Variants in KIFBP observed in about 807,000 individuals in gnomAD.
The protein encoded by KIFBP is KIF-binding protein.
In KIFBP, 46 loss-of-function variants were observed where a neutral mutation model predicts 58.9. That is an observed-to-expected ratio of 0.78 (90% confidence interval 0.62 to 1.00). KIFBP has a LOEUF of 1.00. Among genes scored for constraint, KIFBP ranks in the 50% least tolerant of loss-of-function variants. KIFBP has a pLI of 0.00. For missense variants in KIFBP, 651 were observed against 752.9 expected, an observed-to-expected ratio of 0.86 and a Z score of 1.58; for synonymous variants, 241 against 283.4, an observed-to-expected ratio of 0.85 and a Z score of 1.50.
At chr10:69,011,253 C>T (rs1843586442) in intron 6 of KIFBP, 4 of 455,278 alleles carry the variant, frequency 8.8e-6, no homozygotes, top group Admixed American at 3.5e-5. Context: ...GGCAACAGAG[C>T]GAGACTCCAT....
rs545220279 is a variant in KIFBP at position 69,015,335 on chromosome 10, CT to C, written c.991-198del. On this transcript the variant is annotated intron_variant, in intron 6 of 6. Coordinates refer to ENST00000361983, the MANE Select transcript of KIFBP (RefSeq NM_015634.4). ...TGTAAGCAGCTTGTCTATTTAAATA[CT>C]TTTTTTTCCACATTTCTTGAGTTTT... The C allele has an allele frequency of 4.5e-4, 245 of 544,926 alleles. 2 individuals are homozygous for C. The East Asian group carries it at 6.6e-3, about 15-fold the overall frequency. 33.8% of individuals were successfully genotyped at this position (544,926 alleles called of 1,614,324 possible).
In KIFBP at chr10:68,989,234, C is replaced by T. The variant is rs1441526311; in HGVS notation, c.402C>T (p.Cys134=). ...LLRRYRLSHD[C]ISLCIQAQNN... is the part of the protein sequence containing the mutation. ...GCAGGTACCGGCTCTCGCACGACTG[C>T]ATCTCTCTCTGCATCCAGGCGCAGG... The change falls in exon 1 of 7, where the codon TGC becomes TGT. Residue 134 remains cysteine, a synonymous_variant. Transcript: ENST00000361983. The T allele has an allele frequency of 1.2e-6, 2 of 1,613,412 alleles. No homozygotes were observed.
chr10:69,003,434 TA>T (rs1174110502), intron 2 of KIFBP, among the ~76,000 whole-genome samples: 1 of 152,214 alleles, frequency 6.6e-6, no homozygotes, highest in Non-Finnish European at 1.5e-5. Flanking sequence ...ATCCAGAATG[TA>T]AAATCATATT....
chr10:69,006,062 C>T (rs1233362320), intron 4 of KIFBP, 147 bp downstream of exon 4: 7 of 695,684 alleles, frequency 1.0e-5, no homozygotes, highest in African/African-American at 9.0e-5. Context: ...GCCCAGTTTG[C>T]CCGTGTACTA....
At chr10:69,004,933 A>G in intron 2 of KIFBP, 113 bp from the exon 3 acceptor site, 1 of 714,590 alleles carries the variant, frequency 1.4e-6, no homozygotes, top group Non-Finnish European at 2.5e-6. Context: ...TGAACTAGGA[A>G]AAAATGAAAT....
chr10:68,998,979 C>T (rs2132109837), intron 1 of KIFBP, among the ~76,000 whole-genome samples: 1 of 151,644 alleles, frequency 6.6e-6, no homozygotes, highest in South Asian at 2.1e-4. Context: ...TGGGGTTTCA[C>T]CACGTTGGCC....
At chr10:68,995,696 C>T (rs1272649435) in intron 1 of KIFBP, among the ~76,000 whole-genome samples, 1 of 152,150 alleles carries the variant, frequency 6.6e-6, no homozygotes, top group Non-Finnish European at 1.5e-5. Context: ...AACTTCATTA[C>T]ATGTTTGGCA....
At chr10:69,009,861 T>C (rs1589297457) in intron 5 of KIFBP, among the ~76,000 whole-genome samples, 1 of 152,170 alleles carries the variant, frequency 6.6e-6, no homozygotes, top group East Asian at 1.9e-4. Flanking sequence ...CTTCTTACGA[T>C]GTTTTAGATT....
In KIFBP at chr10:69,016,110, C is replaced by A. The variant is rs778823661; in HGVS notation, c.1560C>A (p.Phe520Leu). Residue 520 changes from phenylalanine (F) to leucine (L), a missense_variant, in exon 7 of 7, where the codon TTC becomes TTA. Physicochemically the swap from Phe to Leu is conservative, Grantham distance 22. Coordinates refer to ENST00000361983, the MANE Select transcript of KIFBP (RefSeq NM_015634.4). Reference sequence around the variant, plus strand: ...CAGCACTGAAGTACTACCAGCTCTTCTTAGACTCCCTGAGAGACCCAAATA... The same window carrying A: ...CAGCACTGAAGTACTACCAGCTCTTATTAGACTCCCTGAGAGACCCAAATA... ...NKSALKYYQL[F>L]LDSLRDPNKV... is the part of the protein sequence containing the mutation. 6.2e-7 allele frequency: 1 copy of A among 1,614,168 alleles called. No homozygotes were observed. Among genetic ancestry groups the A allele is most frequent in the East Asian group, 2.2e-5 (1 of 44,884 alleles).
In KIFBP at chr10:69,015,518, T is replaced by C. The variant is rs371262969; in HGVS notation, c.991-23T>C. ...AGGAGGTGAGTGTCCTACTTAACCATAATTTATTTTTTTTTCCTTCAGGAC... is the reference window on the plus strand; with the variant it reads ...AGGAGGTGAGTGTCCTACTTAACCACAATTTATTTTTTTTTCCTTCAGGAC... On this transcript the variant is annotated intron_variant, in intron 6 of 6. Coordinates refer to ENST00000361983, the MANE Select transcript of KIFBP (RefSeq NM_015634.4). The C allele has an allele frequency of 4.4e-5, 71 of 1,610,340 alleles. No individual in the cohort carries two copies. In the African/African-American group the frequency reaches 7.2e-4, roughly 16 times the overall value.
chr10:69,016,539 AC>A lies in KIFBP; in HGVS notation c.*124del. 1 of 923,924 alleles carries A rather than the reference AC, an allele frequency of 1.1e-6. No homozygotes were observed. The highest frequency in any genetic ancestry group is 1.7e-6 in the Non-Finnish European group (1 of 587,998). The allele number at this position is 923,924 out of a possible 1,614,324, so 57.2% of individuals were successfully genotyped here. On this transcript the variant is annotated 3_prime_UTR_variant, in exon 7 of 7. Coordinates refer to ENST00000361983, the MANE Select transcript of KIFBP (RefSeq NM_015634.4). Reference sequence around the variant, plus strand: ...GGTGAGTGCAGTTTGAACTTGAGATACAGTCAACTGAGTGTTTGCTAGGATC... The same window carrying A: ...GGTGAGTGCAGTTTGAACTTGAGATAAGTCAACTGAGTGTTTGCTAGGATC...
Position 69,005,827 on chromosome 10 carries a change from C to T in KIFBP, c.701C>T (p.Thr234Ile), listed in dbSNP as rs1843529483. 6.2e-7 allele frequency: 1 copy of T among 1,614,088 alleles called. No individual in the cohort carries two copies. The highest frequency in any genetic ancestry group is 1.3e-5 in the African/African-American group (1 of 75,024). Reference protein sequence around the residue: ...FEKAAHYCHSTLKRQLEHNAY... With the variant: ...FEKAAHYCHSILKRQLEHNAY... The stretch of plus-strand genomic sequence containing the variant: ...AAGGCTGCTCACTATTGCCATAGTA[C>T]ACTAAAACGCCAGCTTGAGCACAAT... Residue 234 changes from threonine to isoleucine, a missense_variant, in exon 4 of 7, where the codon ACA becomes ATA. Coordinates refer to ENST00000361983, the MANE Select transcript of KIFBP (RefSeq NM_015634.4).
chr10:68,990,104 C>T (rs998718323), intron 1 of KIFBP, among the ~76,000 whole-genome samples: 1 of 152,214 alleles, frequency 6.6e-6, no homozygotes, highest in Non-Finnish European at 1.5e-5. Context: ...TTCTTGAAAA[C>T]CTATCTCAAG....
At chr10:69,001,241 C>G (rs1259974569) in intron 2 of KIFBP, among the ~76,000 whole-genome samples, 1 of 152,138 alleles carries the variant, frequency 6.6e-6, no homozygotes, top group East Asian at 1.9e-4. Flanking sequence ...ATTCTTCCTC[C>G]TCCCCACTGC....
chr10:69,008,390 AAATATATAT>A, intron 4 of KIFBP, among the ~76,000 whole-genome samples: 1 of 102,888 alleles, frequency 9.7e-6, no homozygotes, highest in East Asian at 2.7e-4. Context: ...AAAAAAAAAA[AAATATATAT>A]ATATATATAT....
In KIFBP at chr10:69,002,400, C is replaced by T. The variant is rs183469937; in HGVS notation, c.525+1878C>T. ...CTCAAACTCCTGACCTCAAGTGATC[C>T]GCCCACCTCAGCCTCCCAAAGTGCT... On this transcript the variant is annotated intron_variant, in intron 2 of 6. Coordinates refer to ENST00000361983, the MANE Select transcript of KIFBP (RefSeq NM_015634.4). Among the ~76,000 whole-genome samples, 471 of 151,934 alleles carry T rather than the reference C, an allele frequency of 3.1e-3. 3 individuals carry two copies. The highest frequency in any genetic ancestry group is 0.011 in the African/African-American group (444 of 41,478).
chr10:69,005,449 G>T (rs1459057642), intron 3 of KIFBP, among the ~76,000 whole-genome samples: 1 of 151,976 alleles, frequency 6.6e-6, no homozygotes, highest in African/African-American at 2.4e-5. Context: ...AGGCTGAGGC[G>T]GGTGGATCAC....
intron 6 of KIFBP, among the ~76,000 whole-genome samples, chr10:69,014,720 C>G (rs964242528): frequency 2.8e-5 from 4 of 140,622 alleles, no homozygotes; most frequent in Non-Finnish European, 6.0e-5. Flanking sequence ...TTATTTGCCC[C>G]CCCCCACCCC....
chr10:68,996,815 T>C (rs1217271383), intron 1 of KIFBP, among the ~76,000 whole-genome samples: 1 of 152,026 alleles, frequency 6.6e-6, no homozygotes, highest in African/African-American at 2.4e-5. Flanking sequence ...ATCGTGCCAC[T>C]GCACTCCAGC....
Sources: allele counts gnomAD v4.1 joint callset (sites outside exome capture counted in the v4.1 genomes callset), GRCh38; gene constraint gnomAD v4.1.1; transcripts MANE v1.5; gene names NCBI Gene and HGNC (gene_info 2026-07-23, HGNC 2026-07-21).